EPB41: variants seen among roughly 807,000 people sequenced by gnomAD.
The protein encoded by EPB41 is protein 4.1.
A neutral mutation model predicts 108.0 loss-of-function variants in EPB41; 65 were observed. The observed-to-expected ratio is 0.60, with a 90% CI of 0.49 to 0.74. The LOEUF (loss-of-function observed/expected upper bound fraction) is 0.74, where lower values mean the gene tolerates loss of function less well. Among genes scored for constraint, EPB41 ranks in the 30% least tolerant of loss-of-function variants. The probability of loss-of-function intolerance (pLI) is 0.00; values close to 1 mark genes in which losing one functional copy is unlikely to be tolerated. For synonymous variants in EPB41, 336 were observed against 358.9 expected (o/e 0.94, Z 0.72); for missense variants, 875 against 1,037.0 (o/e 0.84, Z 2.15).
intron 1 of EPB41, among the ~76,000 whole-genome samples, chr1:28,929,923 A>G (rs2093655408): frequency 6.8e-6 from 1 of 147,876 alleles, no homozygotes; most frequent in South Asian, 2.1e-4. Flanking sequence ...TTTAAAGTAT[A>G]CGATTTAATG....
chr1:29,034,567 ATAG>A (rs1638651597), intron 9 of EPB41, among the ~76,000 whole-genome samples: 1 of 152,196 alleles, frequency 6.6e-6, no homozygotes, highest in Non-Finnish European at 1.5e-5. Context: ...GTTACTGGCA[ATAG>A]TAGGCACTCA....
At chr1:28,923,417 G>C (rs1202048491) in intron 1 of EPB41, among the ~76,000 whole-genome samples, 1 of 152,002 alleles carries the variant, frequency 6.6e-6, no homozygotes, top group Admixed American at 6.6e-5. Flanking sequence ...CTTAACGGTA[G>C]ATTGATATAT....
intron 2 of EPB41, among the ~76,000 whole-genome samples, chr1:28,992,777 T>G (rs915268820): frequency 1.3e-5 from 2 of 152,230 alleles, no homozygotes; most frequent in Admixed American, 1.3e-4. Flanking sequence ...CTTCCTTCAT[T>G]GACTCTTCTT....
At chr1:29,011,997 T>C (rs1369636179) in intron 5 of EPB41, 90 bp downstream of exon 5, 2 of 1,394,376 alleles carry the variant, frequency 1.4e-6, no homozygotes, top group African/African-American at 2.8e-5. Flanking sequence ...TCAGTCACTT[T>C]AGAATCCTGA....
chr1:29,010,247 G>A lies in EPB41; in HGVS notation c.787-1618G>A, dbSNP rs987387833. ...CCAGCTACTCGGGAGGCTGAGGCAG[G>A]AGAATTGCTTGAACCCGGGAGGCGG... On this transcript the variant is annotated intron_variant, in intron 4 of 20. Transcript: ENST00000343067. 3.9e-5 allele frequency among the ~76,000 whole-genome samples: 6 copies of A among 152,300 alleles called. No homozygotes were observed. In the East Asian group the frequency reaches 1.2e-3, roughly 29 times the overall value.
At chr1:29,107,965 G>A (rs1213894481) in intron 17 of EPB41, among the ~76,000 whole-genome samples, 1 of 141,638 alleles carries the variant, frequency 7.1e-6, no homozygotes, top group Non-Finnish European at 1.5e-5. Flanking sequence ...GGAGGTGGAG[G>A]TTTCGGTGAG....
At chr1:28,977,949 A>G (rs763377284) in intron 1 of EPB41, among the ~76,000 whole-genome samples, 1 of 144,186 alleles carries the variant, frequency 6.9e-6, no homozygotes, top group African/African-American at 2.7e-5. Context: ...GTTTCATTTT[A>G]TATTCTCTTT....
At chr1:29,020,348 T>A (rs905980908) in intron 7 of EPB41, among the ~76,000 whole-genome samples, 15 of 152,136 alleles carry the variant, frequency 9.9e-5, no homozygotes, top group Non-Finnish European at 1.5e-4. Flanking sequence ...ATTACAGCAC[T>A]TTTATTTATA....
intron 1 of EPB41, among the ~76,000 whole-genome samples, chr1:28,980,861 A>G (rs1209041691): frequency 2.7e-5 from 4 of 147,178 alleles, no homozygotes; most frequent in African/African-American, 7.7e-5. Context: ...CAGTGGTGCA[A>G]TCTCGGCTCA....
intron 16 of EPB41, among the ~76,000 whole-genome samples, chr1:29,089,406 A>T (rs1446495909): frequency 6.6e-6 from 1 of 152,216 alleles, no homozygotes; most frequent in Non-Finnish European, 1.5e-5. Context: ...TCTATTACAT[A>T]CCAAAAACTG....
rs778918981 is a variant in EPB41, at chr1:29,039,291, C to A, written c.1501C>A (p.Leu501Ile). The change falls in exon 11 of 21, where the codon CTT becomes ATT. Residue 501 changes from leucine (L) to isoleucine (I), a missense_variant. Physicochemically the swap from Leu to Ile is conservative, Grantham distance 5. This residue lies in a region of EPB41 where 519 missense variants were observed against 627.3 expected (regional missense o/e 0.83). Coordinates refer to ENST00000343067, the MANE Select transcript of EPB41 (RefSeq NM_001376013.1). ...STDTIPKSKFLALGSKFRYSG... is the reference protein window; with the variant it reads ...STDTIPKSKFIALGSKFRYSG... ...AGACACCATTCCCAAAAGCAAATTT[C>A]TTGCGCTAGGATCCAAATTTCGATA... The A allele has an allele frequency of 1.9e-6, 3 of 1,613,998 alleles. No individual in the cohort carries two copies. In the African/African-American group the frequency reaches 4.0e-5, roughly 22 times the overall value.
chr1:29,087,436 C>T (rs112581531), intron 16 of EPB41, among the ~76,000 whole-genome samples: 69 of 152,126 alleles, frequency 4.5e-4, no homozygotes, highest in African/African-American at 1.5e-3. Context: ...AATCTCAGCT[C>T]ACTGCAACCT....
At chr1:29,077,786 G>GTTTTTT (rs1654716985) in intron 16 of EPB41, among the ~76,000 whole-genome samples, 1 of 152,196 alleles carries the variant, frequency 6.6e-6, no homozygotes, top group African/African-American at 2.4e-5. Flanking sequence ...CACATAAAAT[G>GTTTTTT]AATGTGATTA....
intron 16 of EPB41, among the ~76,000 whole-genome samples, chr1:29,079,055 G>A (rs1337178239): frequency 4.0e-5 from 6 of 151,312 alleles, no homozygotes; most frequent in Non-Finnish European, 5.9e-5. Flanking sequence ...GAGTGCAATG[G>A]TGCGATCTCG....
intron 13 of EPB41, 26 bp from the exon 14 acceptor site, chr1:29,058,785 T>G (rs1171071731): frequency 6.5e-7 from 1 of 1,539,574 alleles, no homozygotes; most frequent in East Asian, 2.4e-5. Context: ...TCATTTTTCT[T>G]TCTTTTTTAA....
At chr1:29,096,480 G>C in intron 16 of EPB41, 1 of 985,856 alleles carries the variant, frequency 1.0e-6, no homozygotes, top group Non-Finnish European at 1.2e-6. Context: ...CTGCAACCTG[G>C]TGTAAAAAAG....
intron 4 of EPB41, among the ~76,000 whole-genome samples, chr1:29,003,293 C>T (rs1311913821): frequency 1.3e-5 from 2 of 152,140 alleles, no homozygotes; most frequent in South Asian, 2.1e-4. Flanking sequence ...GGGGGCTCAT[C>T]CCCCCATTTT....
At chr1:28,934,116 G>A (rs2093880199) in intron 1 of EPB41, among the ~76,000 whole-genome samples, 1 of 151,960 alleles carries the variant, frequency 6.6e-6, no homozygotes, top group Non-Finnish European at 1.5e-5. Context: ...TGTTTTTGAT[G>A]ATCTTGACAG....
upstream of EPB41, among the ~76,000 whole-genome samples, chr1:28,913,377 G>T (rs2092361584): frequency 6.6e-6 from 1 of 152,194 alleles, no homozygotes; most frequent in Non-Finnish European, 1.5e-5. Flanking sequence ...GGCAGAGGTT[G>T]CAGTGAGCCG....
Sources: gnomAD v4.1 joint callset for allele counts (sites outside exome capture counted in the v4.1 genomes callset) on GRCh38, gnomAD v4.1.1 for gene constraint, gnomAD v4.1.1 regional missense constraint, MANE v1.5 for transcripts, NCBI Gene and HGNC (gene_info 2026-07-23, HGNC 2026-07-21) for gene names.